KIF3A: variants seen among roughly 807,000 people sequenced by gnomAD.
KIF3A encodes kinesin family member 3A, also known as kinesin-like protein KIF3A.
KIF3A carries 27 observed loss-of-function variants against 92.6 expected under a neutral mutation model. The observed-to-expected ratio is 0.29, with a 90% CI of 0.21 to 0.40. The LOEUF (loss-of-function observed/expected upper bound fraction) is 0.40, where lower values mean the gene tolerates loss of function less well. Among genes scored for constraint, KIF3A ranks in the 10% least tolerant of loss-of-function variants. The pLI is 1.00. For missense variants in KIF3A, 581 were observed against 872.6 expected, an observed-to-expected ratio of 0.67 and a Z score of 4.21; for synonymous variants, 250 against 275.4, an observed-to-expected ratio of 0.91 and a Z score of 0.92.
intron 7 of KIF3A, 35 bp downstream of exon 7, chr5:132,716,210 G>A: frequency 6.8e-7 from 1 of 1,466,924 alleles, no homozygotes; most frequent in Non-Finnish European, 9.5e-7. Context: ...TCTTAAATTT[G>A]CCTGATGTTA....
chr5:132,715,963 T>C (rs757910443), intron 7 of KIF3A, 32 bp from the exon 8 acceptor site: 1 of 1,455,026 alleles, frequency 6.9e-7, no homozygotes, highest in South Asian at 1.3e-5. Context: ...ACAAATCATT[T>C]TACACTTGAC....
At chr5:132,732,741 C>G (rs1754274277) in intron 2 of KIF3A, among the ~76,000 whole-genome samples, 1 of 152,174 alleles carries the variant, frequency 6.6e-6, no homozygotes, top group Admixed American at 6.5e-5. Context: ...AACCCCGTCT[C>G]TACTAAAAAC....
At chr5:132,698,248 C>T (rs995142260) in intron 18 of KIF3A, among the ~76,000 whole-genome samples, 3 of 152,080 alleles carry the variant, frequency 2.0e-5, no homozygotes, top group Non-Finnish European at 2.9e-5. Context: ...CTTATTATTT[C>T]CTACATTTTA....
rs1752819448 is a variant in KIF3A, at chr5:132,695,930, A to C, written c.*704T>G. On this transcript the variant is annotated 3_prime_UTR_variant, in exon 19 of 19. Coordinates refer to ENST00000403231, the MANE Select transcript of KIF3A (RefSeq NM_001300791.2). Reference sequence around the variant, plus strand: ...TATTTACGTACAATTCAATGTTTCAAGAGAACATGAAACCAGAACTTAAGG... The same window carrying C: ...TATTTACGTACAATTCAATGTTTCACGAGAACATGAAACCAGAACTTAAGG... 6.6e-6 allele frequency: 1 copy of C among 152,370 alleles called. No individual in the cohort carries two copies. 9.4% of individuals were successfully genotyped at this position (152,370 alleles called of 1,614,324 possible). A position where few individuals can be genotyped will look rare whatever the true frequency, so the allele number is the denominator to read the frequency against.
At chr5:132,729,369 T>C (rs1471027287) in intron 2 of KIF3A, among the ~76,000 whole-genome samples, 1 of 152,122 alleles carries the variant, frequency 6.6e-6, no homozygotes, top group African/African-American at 2.4e-5. Flanking sequence ...AGAGAATCAC[T>C]TGAGTCCAGG....
chr5:132,729,713 T>C (rs1277434164), intron 2 of KIF3A, among the ~76,000 whole-genome samples: 5 of 152,092 alleles, frequency 3.3e-5, no homozygotes, highest in Non-Finnish European at 7.4e-5. Context: ...AATGAAAACA[T>C]AGTATGTCAA....
At chr5:132,699,743 T>C (rs944609471) in intron 17 of KIF3A, among the ~76,000 whole-genome samples, 1 of 151,814 alleles carries the variant, frequency 6.6e-6, no homozygotes, top group Admixed American at 6.6e-5. Flanking sequence ...TGTATTTTTT[T>C]AGTAGAGACG....
chr5:132,692,879 T>C lies in KIF3A; in HGVS notation c.*3755A>G, dbSNP rs1752703533. On this transcript the variant is annotated 3_prime_UTR_variant, in exon 19 of 19. Transcript: ENST00000403231. ...AGGCACTAGAAACATCTATGTTTTC[T>C]TCTAGTATTTTTAAGAACAAAAAAT... 1 of 152,742 alleles carries C rather than the reference T, an allele frequency of 6.5e-6. No homozygotes were observed. Among genetic ancestry groups the C allele is most frequent in the Non-Finnish European group, 1.5e-5 (1 of 68,028 alleles). 9.5% of individuals were successfully genotyped at this position (152,742 alleles called of 1,614,324 possible). A position where few individuals can be genotyped will look rare whatever the true frequency, so the allele number is the denominator to read the frequency against.
chr5:132,718,761 G>A (rs1421151879), intron 5 of KIF3A, among the ~76,000 whole-genome samples: 2 of 152,130 alleles, frequency 1.3e-5, no homozygotes, highest in Non-Finnish European at 2.9e-5. Flanking sequence ...CAAGTAGCTG[G>A]GATTATAGGC....
At chr5:132,733,247 A>C (rs1311530954) in intron 2 of KIF3A, among the ~76,000 whole-genome samples, 3 of 152,224 alleles carry the variant, frequency 2.0e-5, no homozygotes, top group African/African-American at 7.2e-5. Flanking sequence ...ATAAAGTGTA[A>C]AATGGTTAAA....
rs1752804182 is a variant in KIF3A at position 132,695,509 on chromosome 5, T to C, written c.*1125A>G. The C allele has an allele frequency of 1.3e-5, 2 of 152,248 alleles. No individual in the cohort carries two copies. The highest frequency in any genetic ancestry group is 4.8e-5 in the African/African-American group (2 of 41,426). 9.4% of individuals were successfully genotyped at this position (152,248 alleles called of 1,614,324 possible). On this transcript the variant is annotated 3_prime_UTR_variant, in exon 19 of 19. Coordinates refer to ENST00000403231, the MANE Select transcript of KIF3A (RefSeq NM_001300791.2). ...ACTTTAAAAAAATACAATAAAAGTT[T>C]CATAAGCAGCTAACAACAGAAAAAA...
rs893204222 is a variant in KIF3A at position 132,694,600 on chromosome 5, T to C, written c.*2034A>G. ...TCCTATTAACTGAATTGTTAAAGGT[T>C]AGAAACATGAACTTTTAAAAAGAAG... On this transcript the variant is annotated 3_prime_UTR_variant, in exon 19 of 19. Coordinates refer to ENST00000403231, the MANE Select transcript of KIF3A (RefSeq NM_001300791.2). 2 of 152,284 alleles carry C rather than the reference T, an allele frequency of 1.3e-5. No individual in the cohort carries two copies. Among genetic ancestry groups the C allele is most frequent in the East Asian group, 1.9e-4 (1 of 5,340 alleles). 9.4% of individuals were successfully genotyped at this position (152,284 alleles called of 1,614,324 possible).
rs1753972550 is a variant in KIF3A at position 132,724,814 on chromosome 5, TATA to T, written c.510+1311_510+1313del. On this transcript the variant is annotated intron_variant, in intron 4 of 18. Transcript: ENST00000403231. ...TAATAAAAAAAAAAAAAAATATATA[TATA>T]TATATATATATATATATATATATAT... is the stretch of plus-strand genomic sequence containing the variant. Among the ~76,000 whole-genome samples the T allele has an allele frequency of 9.4e-3, 129 of 13,724 alleles. 5 individuals are homozygous for T. The highest frequency in any genetic ancestry group is 0.028 in the South Asian group (12 of 428). The allele number at this position is 13,724 out of a possible 152,430, so 9.0% of individuals were successfully genotyped here.
intron 6 of KIF3A, 147 bp downstream of exon 6, chr5:132,716,698 A>ATACATT (rs1418505264): frequency 1.6e-5 from 15 of 929,320 alleles, no homozygotes; most frequent in Non-Finnish European, 2.4e-5. Flanking sequence ...ATACATTTGA[A>ATACATT]ATGTTCCATA....
chr5:132,734,903 A>G (rs549039375), intron 1 of KIF3A, among the ~76,000 whole-genome samples: 1 of 152,300 alleles, frequency 6.6e-6, no homozygotes, highest in African/African-American at 2.4e-5. Flanking sequence ...ATTTCCTATC[A>G]CGCATCTGTA....
intron 1 of KIF3A, among the ~76,000 whole-genome samples, chr5:132,735,419 C>G (rs1156278794): frequency 6.6e-6 from 1 of 152,168 alleles, no homozygotes; most frequent in African/African-American, 2.4e-5. Flanking sequence ...AAACACAATC[C>G]TATTATTGAA....
intron 11 of KIF3A, among the ~76,000 whole-genome samples, chr5:132,706,112 G>T (rs1293890779): frequency 6.6e-6 from 1 of 152,050 alleles, no homozygotes; most frequent in Non-Finnish European, 1.5e-5. Context: ...GAACTTCAGG[G>T]CAGTCCTAAT....
At chr5:132,717,678 A>G (rs1230657637) in intron 5 of KIF3A, among the ~76,000 whole-genome samples, 2 of 152,126 alleles carry the variant, frequency 1.3e-5, no homozygotes, top group African/African-American at 4.8e-5. Context: ...GTATTTGCAT[A>G]TGTGTAAATA....
At chr5:132,698,082 A>T (rs1561688065) in intron 18 of KIF3A, 1 of 152,208 alleles carries the variant, frequency 6.6e-6, no homozygotes, top group Non-Finnish European at 1.5e-5. Flanking sequence ...CATTTTTAAT[A>T]TTCAACTGTT....
Sources: gnomAD v4.1 joint callset for allele counts (sites outside exome capture counted in the v4.1 genomes callset) on GRCh38, gnomAD v4.1.1 for gene constraint, MANE v1.5 for transcripts, NCBI Gene and HGNC (gene_info 2026-07-23, HGNC 2026-07-21) for gene names.